GRID2: variants seen among roughly 807,000 people sequenced by gnomAD.
The protein encoded by GRID2 is glutamate ionotropic receptor delta type subunit 2, also known as glutamate receptor ionotropic, delta-2.
GRID2 carries 33 observed loss-of-function variants against 114.8 expected under a neutral mutation model. The observed-to-expected ratio is 0.29, with a 90% CI of 0.22 to 0.38. GRID2 has a LOEUF of 0.38. Ranked by LOEUF, GRID2 falls within the 10% of genes least tolerant of loss-of-function variation. The pLI is 1.00. For synonymous variants in GRID2, 505 were observed against 449.9 expected (o/e 1.12, Z -1.55); for missense variants, 1,184 against 1,257.7 (o/e 0.94, Z 0.89).
intron 1 of GRID2, among the ~76,000 whole-genome samples, chr4:92,572,083 A>G (rs1040050650): frequency 1.3e-5 from 2 of 151,654 alleles, no homozygotes; most frequent in African/African-American, 4.8e-5. Context: ...CAAAAAATTA[A>G]TGAATCCAGG....
chr4:92,696,554 A>C (rs1367491236), intron 2 of GRID2, among the ~76,000 whole-genome samples: 1 of 152,104 alleles, frequency 6.6e-6, no homozygotes, highest in Non-Finnish European at 1.5e-5. Context: ...AAGAAAGACA[A>C]AAATCTTTTA....
At chr4:93,120,883 G>A (rs1733722296) in intron 4 of GRID2, among the ~76,000 whole-genome samples, 1 of 152,100 alleles carries the variant, frequency 6.6e-6, no homozygotes, top group Non-Finnish European at 1.5e-5. Flanking sequence ...AACCCGGGAG[G>A]TGGAGCTTGT....
chr4:92,785,686 G>A (rs1422735324), intron 2 of GRID2, among the ~76,000 whole-genome samples: 2 of 151,648 alleles, frequency 1.3e-5, no homozygotes, highest in Non-Finnish European at 3.0e-5. Flanking sequence ...TATGTGTGTA[G>A]TTAAGCTTTT....
chr4:93,060,116 A>G (rs982548966), intron 2 of GRID2, among the ~76,000 whole-genome samples: 1 of 152,094 alleles, frequency 6.6e-6, no homozygotes, highest in Non-Finnish European at 1.5e-5. Context: ...TTGCTTTGGC[A>G]TGAAATGCTG....
At chr4:92,397,318 TATA>T (rs571120973) in intron 1 of GRID2, among the ~76,000 whole-genome samples, 16 of 150,882 alleles carry the variant, frequency 1.1e-4, no homozygotes, top group Non-Finnish European at 1.8e-4. Context: ...AGAGGAAAAT[TATA>T]ATAAAACTCT....
intron 1 of GRID2, among the ~76,000 whole-genome samples, chr4:92,395,117 G>A (rs865811884): frequency 1.6e-4 from 24 of 151,434 alleles, no homozygotes; most frequent in African/African-American, 5.8e-4. Flanking sequence ...AAAATATTTT[G>A]TGTAGAATAT....
At chr4:93,325,016 T>A (rs895064178) in intron 8 of GRID2, among the ~76,000 whole-genome samples, 1 of 152,096 alleles carries the variant, frequency 6.6e-6, no homozygotes, top group South Asian at 2.1e-4. Context: ...TTTTGAAGGG[T>A]TTTTTGTGTC....
At chr4:92,766,410 G>A (rs1036414952) in intron 2 of GRID2, among the ~76,000 whole-genome samples, 16 of 151,848 alleles carry the variant, frequency 1.1e-4, no homozygotes, top group Admixed American at 8.5e-4. Context: ...GGTGGTGGGC[G>A]CCTGTAGTCC....
chr4:92,628,267 A>G (rs62307950), intron 2 of GRID2, among the ~76,000 whole-genome samples: 7,164 of 152,204 alleles, frequency 0.047, 210 homozygotes, highest in East Asian at 0.094. Context: ...TCCAGAGAGC[A>G]TTCTCCTCTT....
rs201154564 is a variant in GRID2, at chr4:92,762,335, T to C, written c.244+172049T>C. 4.6e-5 allele frequency among the ~76,000 whole-genome samples: 7 copies of C among 152,242 alleles called. No individual in the cohort carries two copies. In the East Asian group the frequency reaches 1.4e-3, roughly 29 times the overall value. ...TAATAGTGAATGTGTATGAATGTAA[T>C]GCATTTCTTCCAAGTAGACTAAGCT... On this transcript the variant is annotated intron_variant, in intron 2 of 15. Coordinates refer to ENST00000282020, the MANE Select transcript of GRID2 (RefSeq NM_001510.4).
intron 2 of GRID2, among the ~76,000 whole-genome samples, chr4:92,775,794 A>G (rs1578175873): frequency 6.6e-6 from 1 of 152,124 alleles, no homozygotes. Context: ...GCCTTAACAC[A>G]TGGCCTCCTC....
chr4:93,655,258 A>T (rs2149727636), intron 14 of GRID2, among the ~76,000 whole-genome samples: 1 of 152,328 alleles, frequency 6.6e-6, no homozygotes, highest in Non-Finnish European at 1.5e-5. Context: ...ATTATAAAAT[A>T]CAAAAATCTA....
chr4:92,506,403 T>C (rs1317092217), intron 1 of GRID2, among the ~76,000 whole-genome samples: 1 of 151,976 alleles, frequency 6.6e-6, no homozygotes, highest in Non-Finnish European at 1.5e-5. Context: ...AAACAGGTTG[T>C]ATTAAGTACA....
intron 1 of GRID2, among the ~76,000 whole-genome samples, chr4:92,434,345 A>G (rs1458483377): frequency 2.0e-5 from 3 of 152,198 alleles, no homozygotes; most frequent in African/African-American, 7.2e-5. Flanking sequence ...ATCAAGGAGT[A>G]TGTGTATATT....
intron 9 of GRID2, among the ~76,000 whole-genome samples, chr4:93,410,404 CAA>C (rs1468276136): frequency 6.6e-6 from 1 of 152,084 alleles, no homozygotes; most frequent in Non-Finnish European, 1.5e-5. Context: ...TTCACTTCTC[CAA>C]ACAAATTGCT....
At chr4:93,282,023 C>T (rs1752701394) in intron 8 of GRID2, among the ~76,000 whole-genome samples, 1 of 151,960 alleles carries the variant, frequency 6.6e-6, no homozygotes, top group African/African-American at 2.4e-5. Flanking sequence ...CTTGTATTTT[C>T]ATTCTATTGC....
chr4:92,710,404 G>A (rs1224037466), intron 2 of GRID2, among the ~76,000 whole-genome samples: 1 of 152,074 alleles, frequency 6.6e-6, no homozygotes, highest in East Asian at 1.9e-4. Flanking sequence ...AATTCATTTA[G>A]CAGCTTGAGT....
intron 14 of GRID2, among the ~76,000 whole-genome samples, chr4:93,753,982 A>C (rs1248116670): frequency 6.6e-6 from 1 of 152,232 alleles, no homozygotes; most frequent in African/African-American, 2.4e-5. Context: ...TGAACATCGC[A>C]GAGTGTACTT....
At chr4:93,598,473 G>A (rs1352637252) in intron 13 of GRID2, among the ~76,000 whole-genome samples, 1 of 151,998 alleles carries the variant, frequency 6.6e-6, no homozygotes, top group Non-Finnish European at 1.5e-5. Flanking sequence ...ACTCTAAGAG[G>A]TTTCTAATAG....
Sources: allele counts gnomAD v4.1 joint callset (sites outside exome capture counted in the v4.1 genomes callset), GRCh38; gene constraint gnomAD v4.1.1; transcripts MANE v1.5; gene names NCBI Gene and HGNC (gene_info 2026-07-23, HGNC 2026-07-21).